APBA2: variants seen among roughly 807,000 people sequenced by gnomAD.
APBA2 encodes amyloid beta precursor protein binding family A member 2, also known as amyloid-beta A4 precursor protein-binding family A member 2.
APBA2 carries 30 observed loss-of-function variants against 75.0 expected under a neutral mutation model. That is an observed-to-expected ratio of 0.40 (90% CI 0.30 to 0.54). The LOEUF (loss-of-function observed/expected upper bound fraction) is 0.54. APBA2 is among the 20% of genes least tolerant of loss of function. APBA2 has a pLI of 0.49. For synonymous variants in APBA2, 444 were observed against 409.6 expected (o/e 1.08, Z -1.01); for missense variants, 801 against 1,016.1 (o/e 0.79, Z 2.88).
intron 4 of APBA2, among the ~76,000 whole-genome samples, chr15:29,056,779 C>G (rs1053949409): frequency 4.0e-5 from 6 of 151,712 alleles, no homozygotes; most frequent in Admixed American, 3.9e-4. Context: ...ACTACTCTTT[C>G]TGAAGACTCT....
intron 3 of APBA2, among the ~76,000 whole-genome samples, chr15:28,998,929 C>T (rs1308132331): frequency 2.6e-5 from 4 of 152,268 alleles, no homozygotes; most frequent in South Asian, 4.1e-4. Flanking sequence ...GGCAGATCAC[C>T]TGAGGTCGGG....
intron 2 of APBA2, among the ~76,000 whole-genome samples, chr15:28,923,175 A>C (rs985203160): frequency 4.6e-5 from 7 of 152,088 alleles, no homozygotes; most frequent in Non-Finnish European, 1.0e-4. Flanking sequence ...GAGTTTTATA[A>C]GTTTTATGAA....
chr15:28,932,484 G>T (rs1047115709), intron 2 of APBA2, among the ~76,000 whole-genome samples: 5 of 152,204 alleles, frequency 3.3e-5, no homozygotes, highest in Admixed American at 2.6e-4. Context: ...ACACCCATGG[G>T]CTTCTGCCAT....
chr15:29,117,430 G>A lies in APBA2; in HGVS notation c.*297G>A, dbSNP rs769417252. 14 of 478,428 alleles carry A rather than the reference G, an allele frequency of 2.9e-5. No homozygotes were observed. The highest frequency in any genetic ancestry group is 1.1e-4 in the South Asian group (5 of 46,988). 29.6% of individuals were successfully genotyped at this position (478,428 alleles called of 1,614,324 possible). A position where few individuals can be genotyped will look rare whatever the true frequency, so the allele number is the denominator to read the frequency against. ...CCAGGGTGTGTCTCGGTAGCTGTGC[G>A]TGGTGTGGAGTGTGTGTCTTTCCTC... On this transcript the variant is annotated 3_prime_UTR_variant, in exon 15 of 15. Transcript: ENST00000683413.
intron 13 of APBA2, among the ~76,000 whole-genome samples, chr15:29,109,567 AGACC>A (rs2044620229): frequency 6.6e-6 from 1 of 152,174 alleles, no homozygotes; most frequent in Non-Finnish European, 1.5e-5. Context: ...GCAGCTCAGA[AGACC>A]TTGTGAAGGT....
chr15:29,101,989 T>C, intron 10 of APBA2: 1 of 627,592 alleles, frequency 1.6e-6, no homozygotes. Flanking sequence ...AAATAGGTTC[T>C]TCAGGAGCTG....
At chr15:28,904,959 T>C (rs1457859347) in intron 1 of APBA2, among the ~76,000 whole-genome samples, 1 of 152,198 alleles carries the variant, frequency 6.6e-6, no homozygotes, top group Non-Finnish European at 1.5e-5. Flanking sequence ...GCCGCTGACC[T>C]GATGGGTTGG....
intron 3 of APBA2, among the ~76,000 whole-genome samples, chr15:29,028,756 C>T (rs774462316): frequency 6.6e-6 from 1 of 152,128 alleles, no homozygotes; most frequent in African/African-American, 2.4e-5. Context: ...CTCTAATGAT[C>T]AGTGATGTTG....
chr15:29,113,352 G>C (rs28680725), intron 13 of APBA2, among the ~76,000 whole-genome samples: 3,366 of 127,938 alleles, frequency 0.026, 61 homozygotes, highest in Non-Finnish European at 0.042. Context: ...GTCACTTGGC[G>C]GGGGGGGGAT....
Position 29,108,290 on chromosome 15 carries a change from G to A in APBA2, c.1938G>A (p.Gln646=). The A allele has an allele frequency of 6.2e-7, 1 of 1,613,960 alleles. No homozygotes were observed. The highest frequency in any genetic ancestry group is 1.1e-5 in the South Asian group (1 of 91,078). ...TGCAGGGCCTGAAGAACCAGACACA[G>A]GTGAAGCTCAACATTGTCAGCTGTC... is the stretch of plus-strand genomic sequence containing the variant. ...GIIKGLKNQT[Q]VKLNIVSCPP... is the part of the protein sequence containing the mutation. The change falls in exon 13 of 15, where the codon CAG becomes CAA. Residue 646 remains glutamine, a synonymous_variant. Coordinates refer to ENST00000683413, the MANE Select transcript of APBA2 (RefSeq NM_001353788.2).
Position 28,943,731 on chromosome 15 carries a change from C to CGGCTCCTCCAGCCCT in APBA2, c.-95+22016_-95+22030dup, listed in dbSNP as rs201335449. Among the ~76,000 whole-genome samples the CGGCTCCTCCAGCCCT allele has an allele frequency of 3.8e-3, 585 of 152,036 alleles. 6 individuals carry two copies. In the East Asian group the frequency reaches 0.052, roughly 14 times the overall value. The stretch of plus-strand genomic sequence containing the variant: ...TCCCCAGGACGCTCATCGATGGCCC[C>CGGCTCCTCCAGCCCT]GGCTCCTCCAGCCCTGGCTCCTCCA... On this transcript the variant is annotated intron_variant, in intron 2 of 14. Coordinates refer to ENST00000683413, the MANE Select transcript of APBA2 (RefSeq NM_001353788.2).
intron 1 of APBA2, among the ~76,000 whole-genome samples, chr15:28,888,381 C>T (rs571132615): frequency 1.1e-4 from 17 of 152,318 alleles, no homozygotes; most frequent in African/African-American, 4.1e-4. Flanking sequence ...AGGTTGGCAT[C>T]AGGCTGGGCT....
intron 2 of APBA2, among the ~76,000 whole-genome samples, chr15:28,936,445 A>C (rs1475972517): frequency 6.6e-6 from 1 of 152,176 alleles, no homozygotes; most frequent in Admixed American, 6.5e-5. Flanking sequence ...GGACCTGGCG[A>C]ATGGCTGTTC....
intron 2 of APBA2, among the ~76,000 whole-genome samples, chr15:28,936,805 T>G (rs2034899182): frequency 6.6e-6 from 1 of 152,090 alleles, no homozygotes; most frequent in South Asian, 2.1e-4. Flanking sequence ...CTGGTGAAAC[T>G]GAGACTTGGT....
At chr15:29,101,953 T>G (rs1487703066) in intron 10 of APBA2, 169 bp downstream of exon 10, 1 of 713,418 alleles carries the variant, frequency 1.4e-6, no homozygotes, top group African/African-American at 1.8e-5. Flanking sequence ...GCAAAGATAG[T>G]GAATACAGTT....
At chr15:29,077,502 A>G (rs144949007) in intron 6 of APBA2, among the ~76,000 whole-genome samples, 97 of 152,202 alleles carry the variant, frequency 6.4e-4, no homozygotes, top group Admixed American at 2.7e-3. Context: ...AACCAATCTC[A>G]TATCTGCAGG....
chr15:29,052,376 A>AC (rs1391028207), intron 3 of APBA2, among the ~76,000 whole-genome samples: 1 of 150,308 alleles, frequency 6.7e-6, no homozygotes, highest in Non-Finnish European at 1.5e-5. Context: ...AATGGTGTGA[A>AC]CCCAGGAGGT....
intron 2 of APBA2, among the ~76,000 whole-genome samples, chr15:28,962,490 A>G (rs1422415664): frequency 6.6e-6 from 1 of 151,976 alleles, no homozygotes; most frequent in Non-Finnish European, 1.5e-5. Flanking sequence ...AATCGCTTGA[A>G]CCCAGGAGGC....
chr15:28,949,034 G>A (rs369235395), intron 2 of APBA2, among the ~76,000 whole-genome samples: 3 of 152,094 alleles, frequency 2.0e-5, no homozygotes, highest in South Asian at 2.1e-4. Flanking sequence ...GTTTGGCTTC[G>A]CTTTTAGTTG....
Sources: gnomAD v4.1 joint callset for allele counts (sites outside exome capture counted in the v4.1 genomes callset) on GRCh38, gnomAD v4.1.1 for gene constraint, MANE v1.5 for transcripts, NCBI Gene and HGNC (gene_info 2026-07-23, HGNC 2026-07-21) for gene names.